The following VAPB variants were observed in gnomAD, a reference collection of about 807,000 sequenced individuals.
The protein encoded by VAPB is vesicle-associated membrane protein-associated protein B/C.
A neutral mutation model predicts 25.6 loss-of-function variants in VAPB; 7 were observed. The ratio of observed to expected loss-of-function variants is 0.27; its 90% CI spans 0.16 to 0.51. The LOEUF is 0.51. Among genes scored for constraint, VAPB ranks in the 20% least tolerant of loss-of-function variants. The pLI, the probability that VAPB is intolerant of heterozygous loss-of-function variation, is 0.97. For missense variants in VAPB, 266 were observed against 301.3 expected (o/e 0.88, Z 0.87); for synonymous variants, 112 against 109.2 (o/e 1.03, Z -0.16).
rs1396461803 is a variant in VAPB, at chr20:58,440,930, T to A, written c.420T>A (p.Ile140=). The A allele has an allele frequency of 6.2e-7, 1 of 1,613,870 alleles. No individual in the cohort carries two copies. Among genetic ancestry groups the A allele is most frequent in the South Asian group, 1.1e-5 (1 of 91,054 alleles). Residue 140 remains isoleucine (I), a synonymous_variant, in exon 5 of 6, where the codon ATT becomes ATA. Transcript: ENST00000475243. ...AGCATGATGTAGAAATAAATAAAATTATATCCACAACTGCATCAAAGACAG... is the reference window on the plus strand; with the variant it reads ...AGCATGATGTAGAAATAAATAAAATAATATCCACAACTGCATCAAAGACAG... The part of the protein sequence containing the change: ...DKPHDVEINK[I]ISTTASKTET...
intron 1 of VAPB, among the ~76,000 whole-genome samples, chr20:58,413,923 C>A (rs1396098740): frequency 2.2e-5 from 2 of 91,456 alleles, no homozygotes; most frequent in African/African-American, 9.2e-5. Flanking sequence ...CCTCACCTCC[C>A]GGATGGGGCG....
intron 1 of VAPB, among the ~76,000 whole-genome samples, chr20:58,409,532 G>A (rs1220488916): frequency 2.0e-5 from 3 of 152,184 alleles, no homozygotes; most frequent in Middle Eastern, 3.4e-3. Flanking sequence ...TTCCCAGAAG[G>A]TAATCTTTTT....
intron 2 of VAPB, among the ~76,000 whole-genome samples, chr20:58,430,404 G>A (rs1484656521): frequency 1.3e-5 from 2 of 151,836 alleles, no homozygotes; most frequent in East Asian, 3.9e-4. Flanking sequence ...TGGGATTACA[G>A]GTGCCCACCA....
At chr20:58,392,843 A>G (rs1190868554) in intron 1 of VAPB, among the ~76,000 whole-genome samples, 1 of 152,222 alleles carries the variant, frequency 6.6e-6, no homozygotes, top group African/African-American at 2.4e-5. Context: ...AAGAATGCAA[A>G]TTTATATGAC....
chr20:58,432,498 CT>C (rs1568716222), intron 2 of VAPB: 1 of 151,980 alleles, frequency 6.6e-6, no homozygotes, highest in African/African-American at 2.4e-5. Flanking sequence ...CTTTCCTAAA[CT>C]GAAAAATACC....
intron 5 of VAPB, among the ~76,000 whole-genome samples, chr20:58,442,613 T>C (rs1989188033): frequency 6.6e-6 from 1 of 152,238 alleles, no homozygotes; most frequent in Middle Eastern, 3.2e-3. Flanking sequence ...TTGTTTTGTG[T>C]TGGTTTATTC....
chr20:58,426,831 G>C (rs1302917597), intron 2 of VAPB, among the ~76,000 whole-genome samples: 2 of 152,122 alleles, frequency 1.3e-5, no homozygotes, highest in African/African-American at 4.8e-5. Flanking sequence ...CTGAGATTGT[G>C]GGCACGTAAA....
intron 2 of VAPB, among the ~76,000 whole-genome samples, chr20:58,427,317 TATG>T (rs1988815860): frequency 6.7e-6 from 1 of 149,594 alleles, no homozygotes; most frequent in African/African-American, 2.5e-5. Flanking sequence ...CTGTTACCAT[TATG>T]ATGCAGGCGA....
chr20:58,429,266 A>G (rs1054519281), intron 2 of VAPB, among the ~76,000 whole-genome samples: 1 of 152,166 alleles, frequency 6.6e-6, no homozygotes, highest in Non-Finnish European at 1.5e-5. Flanking sequence ...TTCCCAATTG[A>G]AAAGTTTCCA....
chr20:58,447,656 G>GTGTGCA lies in VAPB; in HGVS notation c.*3425_*3426insCATGTG, dbSNP rs1457543910. 4.4e-6 allele frequency: 2 copies of GTGTGCA among 451,164 alleles called. No homozygotes were observed. Among genetic ancestry groups the GTGTGCA allele is most frequent in the African/African-American group, 4.0e-5 (2 of 49,662 alleles). 27.9% of individuals were successfully genotyped at this position (451,164 alleles called of 1,614,324 possible). The stretch of plus-strand genomic sequence containing the variant: ...ATGAATTTGAAAACAGACTCTGTGT[G>GTGTGCA]TGTGTGCATGTGTGCATGTGTGCAT... On this transcript the variant is annotated 3_prime_UTR_variant, in exon 6 of 6. Transcript: ENST00000475243.
At chr20:58,426,536 G>A (rs2123072735) in intron 2 of VAPB, among the ~76,000 whole-genome samples, 1 of 152,300 alleles carries the variant, frequency 6.6e-6, no homozygotes, top group Admixed American at 6.5e-5. Context: ...GGCATGATGT[G>A]TGGCCTGAGT....
chr20:58,436,564 C>A (rs900437351), intron 3 of VAPB, among the ~76,000 whole-genome samples: 1 of 151,822 alleles, frequency 6.6e-6, no homozygotes, highest in African/African-American at 2.4e-5. Flanking sequence ...TGGACTCAAG[C>A]GATCTGCCCA....
At chr20:58,428,758 A>G (rs1988863244) in intron 2 of VAPB, among the ~76,000 whole-genome samples, 1 of 152,236 alleles carries the variant, frequency 6.6e-6, no homozygotes, top group Non-Finnish European at 1.5e-5. Context: ...ACATTCTGTC[A>G]TGTTTTTATA....
Position 58,450,061 on chromosome 20 carries a change from G to A in VAPB, c.*5826G>A, listed in dbSNP as rs780911883. The A allele has an allele frequency of 2.3e-4, 103 of 454,074 alleles. No individual in the cohort carries two copies. Among genetic ancestry groups the A allele is most frequent in the Non-Finnish European group, 3.8e-4 (87 of 226,794 alleles). 28.1% of individuals were successfully genotyped at this position (454,074 alleles called of 1,614,324 possible). ...GGGTTTAAGAAGATGAGAAATGAGT[G>A]TGCACGTTTCACACGTTGACTTGCC... On this transcript the variant is annotated 3_prime_UTR_variant, in exon 6 of 6. Coordinates refer to ENST00000475243, the MANE Select transcript of VAPB (RefSeq NM_004738.5).
At chr20:58,426,962 G>GTGATCTGTTACCATTATGATGCAGGTCCA in intron 2 of VAPB, among the ~76,000 whole-genome samples, 1 of 152,212 alleles carries the variant, frequency 6.6e-6, no homozygotes, top group Non-Finnish European at 1.5e-5. Flanking sequence ...AAAGTGATCT[G>GTGATCTGTTACCATTATGATGCAGGTCCA]TGATCTGTTA....
rs886056828 is a variant in VAPB at position 58,449,587 on chromosome 20, C to T, written c.*5352C>T. On this transcript the variant is annotated 3_prime_UTR_variant, in exon 6 of 6. Coordinates refer to ENST00000475243, the MANE Select transcript of VAPB (RefSeq NM_004738.5). ...GTTATGATACCTTGGAATGTTGCCA[C>T]GATATGGATTGCTTTGATTAAAAGA... is the stretch of plus-strand genomic sequence containing the variant. 2.2e-5 allele frequency: 10 copies of T among 453,894 alleles called. No homozygotes were observed. The highest frequency in any genetic ancestry group is 6.8e-4 in the Middle Eastern group (1 of 1,466). The allele number at this position is 453,894 out of a possible 1,614,324, so 28.1% of individuals were successfully genotyped here.
chr20:58,389,402 C>T lies in VAPB; in HGVS notation c.-58C>T. On this transcript the variant is annotated 5_prime_UTR_variant, in exon 1 of 6. Coordinates refer to ENST00000475243, the MANE Select transcript of VAPB (RefSeq NM_004738.5). Reference sequence around the variant, plus strand: ...TAAAGCGGGCGCAGCATTAACGCTTCCCGCCCCGGTGACCTCTCAGGGGTC... The same window carrying T: ...TAAAGCGGGCGCAGCATTAACGCTTTCCGCCCCGGTGACCTCTCAGGGGTC... 1 of 1,517,300 alleles carries T rather than the reference C, an allele frequency of 6.6e-7. No individual in the cohort carries two copies. Among genetic ancestry groups the T allele is most frequent in the South Asian group, 1.2e-5 (1 of 83,476 alleles). 94.0% of individuals were successfully genotyped at this position (1,517,300 alleles called of 1,614,324 possible).
At chr20:58,425,199 G>T (rs1452065330) in intron 2 of VAPB, among the ~76,000 whole-genome samples, 4 of 152,174 alleles carry the variant, frequency 2.6e-5, no homozygotes. Context: ...CCATATGGTA[G>T]AGGACAGTCT....
intron 1 of VAPB, chr20:58,390,475 G>C (rs530951318): frequency 2.8e-4 from 42 of 151,714 alleles, no homozygotes; most frequent in African/African-American, 9.4e-4. Flanking sequence ...CCAGTGATGT[G>C]GGAGGCTCTG....
Sources: gnomAD v4.1 joint callset for allele counts (sites outside exome capture counted in the v4.1 genomes callset) on GRCh38, gnomAD v4.1.1 for gene constraint, MANE v1.5 for transcripts, NCBI Gene and HGNC (gene_info 2026-07-23, HGNC 2026-07-21) for gene names.